Variants in ADK observed in about 807,000 individuals in gnomAD.
The protein encoded by ADK is adenosine kinase.
Under a neutral mutation model 44.7 loss-of-function variants are expected in ADK, and 24 were observed. That is an observed-to-expected ratio of 0.54 (90% confidence interval 0.39 to 0.76). The LOEUF is 0.76. ADK is among the 30% of genes least tolerant of loss of function. ADK has a pLI of 0.00. For synonymous variants in ADK, 128 were observed against 142.6 expected (o/e 0.90, Z 0.73); for missense variants, 321 against 425.1 (o/e 0.76, Z 2.15).
intron 4 of ADK, among the ~76,000 whole-genome samples, chr10:74,321,102 G>A (rs1195833063): frequency 6.6e-6 from 1 of 151,972 alleles, no homozygotes; most frequent in Non-Finnish European, 1.5e-5. Flanking sequence ...TAAGCTTCCT[G>A]CAATTTAACT....
intron 1 of ADK, among the ~76,000 whole-genome samples, chr10:74,162,562 TGA>T (rs1374619418): frequency 4.8e-4 from 64 of 134,716 alleles, no homozygotes; most frequent in African/African-American, 1.5e-3. Flanking sequence ...TGTGTGTGTG[TGA>T]GACAGAGTCT....
chr10:74,228,738 T>C (rs1278104842), intron 3 of ADK, among the ~76,000 whole-genome samples: 1 of 152,220 alleles, frequency 6.6e-6, no homozygotes, highest in Non-Finnish European at 1.5e-5. Flanking sequence ...TATATAAATT[T>C]TGTATTACCT....
At chr10:74,278,430 T>C (rs1846788390) in intron 3 of ADK, among the ~76,000 whole-genome samples, 1 of 151,924 alleles carries the variant, frequency 6.6e-6, no homozygotes, top group Non-Finnish European at 1.5e-5. Context: ...TTGTCCATTT[T>C]TTTCCAGATT....
chr10:74,390,907 T>A (rs543810738), intron 4 of ADK, among the ~76,000 whole-genome samples: 1 of 152,284 alleles, frequency 6.6e-6, no homozygotes, highest in South Asian at 2.1e-4. Flanking sequence ...TTATTGATAA[T>A]GCTAATTGAT....
intron 4 of ADK, among the ~76,000 whole-genome samples, chr10:74,336,206 G>A (rs1212583285): frequency 6.6e-6 from 1 of 152,120 alleles, no homozygotes; most frequent in African/African-American, 2.4e-5. Flanking sequence ...GTCTGTAACA[G>A]AGTTTTTGAT....
intron 7 of ADK, among the ~76,000 whole-genome samples, chr10:74,568,780 C>CT (rs894836948): frequency 7.3e-5 from 11 of 150,722 alleles, no homozygotes; most frequent in South Asian, 4.2e-4. Flanking sequence ...ATATTTTTAT[C>CT]TTTTTTTTAT....
intron 8 of ADK, among the ~76,000 whole-genome samples, chr10:74,590,477 C>T (rs536261445): frequency 9.2e-5 from 14 of 152,162 alleles, no homozygotes; most frequent in South Asian, 6.2e-4. Context: ...ACTTGACAAA[C>T]GAGACATAGA....
intron 10 of ADK, among the ~76,000 whole-genome samples, chr10:74,707,175 A>G (rs547873496): frequency 1.1e-4 from 16 of 152,270 alleles, no homozygotes; most frequent in African/African-American, 3.4e-4. Flanking sequence ...AGCTAGGTCT[A>G]CAGGCATGCA....
intron 3 of ADK, among the ~76,000 whole-genome samples, chr10:74,255,929 A>G (rs941156444): frequency 1.3e-5 from 2 of 152,196 alleles, no homozygotes; most frequent in African/African-American, 2.4e-5. Context: ...TGTAAATAAT[A>G]GTGTCTGCCT....
At chr10:74,300,267 C>T (rs1267381325) in intron 3 of ADK, among the ~76,000 whole-genome samples, 17 of 36,324 alleles carry the variant, frequency 4.7e-4, no homozygotes, top group Non-Finnish European at 6.0e-4. Flanking sequence ...TGTTTCCTTC[C>T]TTCCTTCCTT....
At chr10:74,678,914 C>A (rs1275731177) in intron 10 of ADK, among the ~76,000 whole-genome samples, 1 of 152,180 alleles carries the variant, frequency 6.6e-6, no homozygotes, top group African/African-American at 2.4e-5. Flanking sequence ...TCTGATACAT[C>A]CAACATGTAT....
chr10:74,176,319 A>G (rs1272042148), intron 1 of ADK, among the ~76,000 whole-genome samples: 1 of 152,064 alleles, frequency 6.6e-6, no homozygotes, highest in African/African-American at 2.4e-5. Flanking sequence ...GAGGCTTCCC[A>G]GGCTGTTGCT....
At chr10:74,219,835 C>T (rs1844222451) in intron 2 of ADK, among the ~76,000 whole-genome samples, 1 of 151,282 alleles carries the variant, frequency 6.6e-6, no homozygotes, top group Non-Finnish European at 1.5e-5. Context: ...AACAAAGACA[C>T]AACATACCAG....
chr10:74,271,031 T>C (rs1846411139), intron 3 of ADK, among the ~76,000 whole-genome samples: 1 of 152,194 alleles, frequency 6.6e-6, no homozygotes, highest in South Asian at 2.1e-4. Flanking sequence ...AGAATGCATA[T>C]AGCGGTAATG....
At chr10:74,300,508 C>T (rs1026884578) in intron 3 of ADK, among the ~76,000 whole-genome samples, 1 of 152,034 alleles carries the variant, frequency 6.6e-6, no homozygotes, top group Non-Finnish European at 1.5e-5. Context: ...TCCCAAGTAG[C>T]TGGGACTACA....
intron 10 of ADK, among the ~76,000 whole-genome samples, chr10:74,672,588 C>T (rs903350461): frequency 3.9e-5 from 6 of 152,068 alleles, no homozygotes; most frequent in African/African-American, 1.4e-4. Context: ...TACTCAGTTC[C>T]CAGGGTAATC....
chr10:74,341,839 A>C (rs1841592484), intron 4 of ADK, among the ~76,000 whole-genome samples: 1 of 152,194 alleles, frequency 6.6e-6, no homozygotes, highest in Non-Finnish European at 1.5e-5. Flanking sequence ...CAGCATGCTC[A>C]AATTTGTACT....
At chr10:74,455,549 C>G (rs967199373) in intron 6 of ADK, among the ~76,000 whole-genome samples, 1 of 151,850 alleles carries the variant, frequency 6.6e-6, no homozygotes, top group African/African-American at 2.4e-5. Flanking sequence ...CTCACTCCGT[C>G]ACCAGGCTGA....
chr10:74,435,764 A>G (rs569166199), intron 6 of ADK, among the ~76,000 whole-genome samples: 1 of 152,226 alleles, frequency 6.6e-6, no homozygotes, highest in Non-Finnish European at 1.5e-5. Context: ...GAGATAACAT[A>G]TTTAAAGTGC....
Sources: allele counts gnomAD v4.1 joint callset (sites outside exome capture counted in the v4.1 genomes callset), GRCh38; gene constraint gnomAD v4.1.1; transcripts MANE v1.5; gene names NCBI Gene and HGNC (gene_info 2026-07-23, HGNC 2026-07-21).